CPNE8: variants seen among roughly 807,000 people sequenced by gnomAD.
CPNE8 encodes the protein copine-8.
A neutral mutation model predicts 81.5 loss-of-function variants in CPNE8; 45 were observed. That is an observed-to-expected ratio of 0.55 (90% CI 0.44 to 0.71). The LOEUF (loss-of-function observed/expected upper bound fraction) is 0.71, where lower values mean the gene tolerates loss of function less well. Among genes scored for constraint, CPNE8 ranks in the 30% least tolerant of loss-of-function variants. The pLI is 0.00. For synonymous variants in CPNE8, 252 were observed against 226.3 expected (o/e 1.11, Z -1.02); for missense variants, 594 against 672.1 (o/e 0.88, Z 1.28).
intron 16 of CPNE8, among the ~76,000 whole-genome samples, chr12:38,681,031 A>G (rs1243176268): frequency 6.6e-6 from 1 of 152,022 alleles, no homozygotes; most frequent in African/African-American, 2.4e-5. Flanking sequence ...CAAAAGACTA[A>G]TAGGAAATAA....
chr12:38,772,869 G>T (rs1175629451), intron 7 of CPNE8, among the ~76,000 whole-genome samples: 3 of 151,942 alleles, frequency 2.0e-5, no homozygotes, highest in African/African-American at 7.3e-5. Context: ...TGAAGCAAAT[G>T]AAGTGTCCAT....
intron 2 of CPNE8, among the ~76,000 whole-genome samples, chr12:38,873,934 C>A (rs1302578771): frequency 1.3e-5 from 2 of 151,782 alleles, no homozygotes; most frequent in Non-Finnish European, 2.9e-5. Context: ...ATTGTATATA[C>A]CACTTTTATT....
At chr12:38,661,200 A>G (rs1938944963) in intron 19 of CPNE8, among the ~76,000 whole-genome samples, 1 of 152,218 alleles carries the variant, frequency 6.6e-6, no homozygotes, top group Admixed American at 6.5e-5. Context: ...AAAGACTTGG[A>G]ACCAACCCAA....
At chr12:38,831,488 T>C (rs1370695399) in intron 5 of CPNE8, among the ~76,000 whole-genome samples, 2 of 152,036 alleles carry the variant, frequency 1.3e-5, no homozygotes, top group Non-Finnish European at 2.9e-5. Flanking sequence ...CACAGAAAAA[T>C]GACAGGATTT....
chr12:38,689,511 G>C (rs1477052563), intron 15 of CPNE8, among the ~76,000 whole-genome samples: 1 of 152,214 alleles, frequency 6.6e-6, no homozygotes, highest in Non-Finnish European at 1.5e-5. Context: ...GGAAAAAGCT[G>C]AGAGAATTCT....
At chr12:38,847,305 G>A (rs147935673) in intron 4 of CPNE8, among the ~76,000 whole-genome samples, 1 of 152,120 alleles carries the variant, frequency 6.6e-6, no homozygotes, top group Admixed American at 6.5e-5. Context: ...TTAAGTCTGG[G>A]ATTAAGCAGG....
At chr12:38,885,745 T>A (rs967234153) in intron 1 of CPNE8, among the ~76,000 whole-genome samples, 1 of 152,162 alleles carries the variant, frequency 6.6e-6, no homozygotes, top group Non-Finnish European at 1.5e-5. Context: ...AGAATTGTAA[T>A]CCTCAATGTT....
intron 6 of CPNE8, among the ~76,000 whole-genome samples, chr12:38,815,201 C>CA: frequency 6.6e-6 from 1 of 152,306 alleles, no homozygotes; most frequent in African/African-American, 2.4e-5. Context: ...GCTCCATCTG[C>CA]AATGTTCTGT....
intron 16 of CPNE8, among the ~76,000 whole-genome samples, chr12:38,683,694 G>T (rs1939462155): frequency 6.6e-6 from 1 of 152,046 alleles, no homozygotes; most frequent in Non-Finnish European, 1.5e-5. Flanking sequence ...TGTATACATG[G>T]AACTTCCTAT....
intron 6 of CPNE8, among the ~76,000 whole-genome samples, chr12:38,819,222 G>A (rs1252908624): frequency 1.3e-5 from 2 of 152,114 alleles, no homozygotes; most frequent in African/African-American, 4.8e-5. Context: ...CCTATGTCCT[G>A]AATCGTATTG....
At chr12:38,768,233 G>C (rs980548700) in intron 7 of CPNE8, among the ~76,000 whole-genome samples, 1 of 151,780 alleles carries the variant, frequency 6.6e-6, no homozygotes, top group Admixed American at 6.6e-5. Context: ...AGACAGAAAA[G>C]TTCCTACTTT....
intron 13 of CPNE8, among the ~76,000 whole-genome samples, chr12:38,717,882 A>C (rs1195286685): frequency 6.6e-6 from 1 of 152,104 alleles, no homozygotes; most frequent in Non-Finnish European, 1.5e-5. Context: ...CCAGCAACAA[A>C]ACCATCCACA....
intron 10 of CPNE8, among the ~76,000 whole-genome samples, chr12:38,737,875 G>A (rs1486345): frequency 0.55 from 83,945 of 151,828 alleles, 23,763 homozygotes; most frequent in East Asian, 0.81. Context: ...AACCCCCAGC[G>A]TGAAGTAGCA....
Position 38,880,732 on chromosome 12 carries a change from T to C in CPNE8, c.99-6221A>G, listed in dbSNP as rs187280371. On this transcript the variant is annotated intron_variant, in intron 1 of 19. Transcript: ENST00000331366. ...TTTGAGCAACTGAAAGCAAATTTAA[T>C]CTTTGGAAGTGATTTAAATGCAATG... Among the ~76,000 whole-genome samples the C allele has an allele frequency of 1.8e-3, 278 of 152,314 alleles. 1 individual carries two copies. Among genetic ancestry groups the C allele is most frequent in the African/African-American group, 6.5e-3 (269 of 41,566 alleles).
At chr12:38,846,328 C>A (rs79150745) in intron 4 of CPNE8, among the ~76,000 whole-genome samples, 291 of 152,158 alleles carry the variant, frequency 1.9e-3, no homozygotes, top group African/African-American at 6.5e-3. Context: ...TACATGCAGA[C>A]CAGGGTGATT....
chr12:38,706,069 T>A (rs937091459), intron 13 of CPNE8, among the ~76,000 whole-genome samples: 2 of 152,138 alleles, frequency 1.3e-5, no homozygotes, highest in Non-Finnish European at 2.9e-5. Context: ...CAAAACTTAA[T>A]AATTTCTATG....
chr12:38,808,730 G>A (rs1292018131), intron 6 of CPNE8, among the ~76,000 whole-genome samples: 1 of 150,938 alleles, frequency 6.6e-6, no homozygotes, highest in African/African-American at 2.4e-5. Context: ...TTGTGCACAT[G>A]TACCCTAAAA....
rs5797596 is a variant in CPNE8, at chr12:38,824,576, CA to C, written c.407+4802del. On this transcript the variant is annotated intron_variant, in intron 6 of 19. Coordinates refer to ENST00000331366, the MANE Select transcript of CPNE8 (RefSeq NM_153634.3). ...GTTAGGCCATTTAAAGGAAAGAAAG[CA>C]AAAAAAAAACAAGGAAGTATTCTGA... 2.0e-3 allele frequency among the ~76,000 whole-genome samples: 277 copies of C among 141,986 alleles called. 2 individuals carry two copies. The Middle Eastern group carries it at 0.021, about 11-fold the overall frequency. 93.1% of individuals were successfully genotyped at this position (141,986 alleles called of 152,430 possible).
rs972816516 is a variant in CPNE8, at chr12:38,658,604, C to T, written c.1507-4534G>A. Reference sequence around the variant, plus strand: ...CCCCAAGACATATAATTGTCAGATTCACCTAGGTTGAAATGAAGGAAAAAA... The same window carrying T: ...CCCCAAGACATATAATTGTCAGATTTACCTAGGTTGAAATGAAGGAAAAAA... On this transcript the variant is annotated intron_variant, in intron 19 of 19. Coordinates refer to ENST00000331366, the MANE Select transcript of CPNE8 (RefSeq NM_153634.3). Among the ~76,000 whole-genome samples the T allele has an allele frequency of 2.6e-5, 4 of 152,250 alleles. No individual in the cohort carries two copies. In the South Asian group the frequency reaches 8.3e-4, roughly 32 times the overall value.
Sources: gnomAD v4.1 joint callset for allele counts (sites outside exome capture counted in the v4.1 genomes callset) on GRCh38, gnomAD v4.1.1 for gene constraint, MANE v1.5 for transcripts, NCBI Gene and HGNC (gene_info 2026-07-23, HGNC 2026-07-21) for gene names.